Variants in TLCD4 observed in about 807,000 individuals in gnomAD.
TLCD4 encodes the protein TLC domain-containing protein 4.
In TLCD4, 7 loss-of-function variants were observed where a neutral mutation model predicts 24.2. The ratio of observed to expected loss-of-function variants is 0.29; its 90% CI spans 0.16 to 0.54. The LOEUF (loss-of-function observed/expected upper bound fraction) is 0.54. Ranked by LOEUF, TLCD4 falls within the 20% of genes least tolerant of loss-of-function variation. The pLI, the probability that TLCD4 is intolerant of heterozygous loss-of-function variation, is 0.95. For synonymous variants in TLCD4, 103 were observed against 106.4 expected (o/e 0.97, Z 0.20); for missense variants, 259 against 313.9 (o/e 0.82, Z 1.32).
chr1:95,133,780 A>G (rs373127996), intron 1 of TLCD4, among the ~76,000 whole-genome samples: 2 of 152,004 alleles, frequency 1.3e-5, no homozygotes, highest in African/African-American at 2.4e-5. Flanking sequence ...ATTCTCACAC[A>G]CTGGCTTCAA....
chr1:95,151,400 A>G lies in TLCD4; in HGVS notation c.380A>G (p.Tyr127Cys), dbSNP rs544972583. 85 of 1,613,232 alleles carry G rather than the reference A, an allele frequency of 5.3e-5. 1 individual carries two copies. In the South Asian group the frequency reaches 8.9e-4, roughly 17 times the overall value. ...FFIMHHCASL[Y>C]AYYLVLKNGV... is the part of the protein sequence containing the mutation. ...ATAATGCATCATTGTGCGTCCCTGT[A>G]TGCATACTACCTTGTACTGGTGAGT... The change falls in exon 5 of 7, where the codon TAT becomes TGT. Residue 127 changes from tyrosine to cysteine, a missense_variant. By Grantham distance (194) the Tyr-to-Cys change is radical. Coordinates refer to ENST00000370203, the MANE Select transcript of TLCD4 (RefSeq NM_152487.3).
At chr1:95,178,315 G>A (rs1363453707) in intron 6 of TLCD4, among the ~76,000 whole-genome samples, 2 of 148,672 alleles carry the variant, frequency 1.3e-5, no homozygotes, top group African/African-American at 2.5e-5. Flanking sequence ...GCTGAAGTAC[G>A]GTAGTGTGAT....
At chr1:95,188,772 C>T (rs1219983929) in intron 6 of TLCD4, among the ~76,000 whole-genome samples, 3 of 152,128 alleles carry the variant, frequency 2.0e-5, no homozygotes, top group East Asian at 1.9e-4. Context: ...GATACTCTAA[C>T]AGGTTCATAT....
intron 6 of TLCD4, among the ~76,000 whole-genome samples, chr1:95,185,480 AT>A (rs980683590): frequency 7.2e-5 from 11 of 152,046 alleles, no homozygotes; most frequent in African/African-American, 2.4e-4. Flanking sequence ...TGACACATCT[AT>A]TTTTTTCAAT....
the TLCD4 span, among the ~76,000 whole-genome samples, chr1:95,095,677 G>A: frequency 2.6e-5 from 4 of 152,276 alleles, no homozygotes; most frequent in Admixed American, 2.0e-4. Flanking sequence ...GATTACAGGC[G>A]TGAGCCACCG....
At chr1:95,191,143 T>G (rs1028152258) in intron 6 of TLCD4, among the ~76,000 whole-genome samples, 33 of 152,344 alleles carry the variant, frequency 2.2e-4, no homozygotes, top group African/African-American at 7.9e-4. Flanking sequence ...AGTTAATTTT[T>G]GTGTAAGGTG....
chr1:95,183,804 C>T (rs1286341024), intron 6 of TLCD4, among the ~76,000 whole-genome samples: 3 of 152,030 alleles, frequency 2.0e-5, no homozygotes, highest in Non-Finnish European at 2.9e-5. Context: ...CACCACTGCA[C>T]TCCAGCCTGG....
chr1:95,173,592 A>G (rs1190160151), intron 5 of TLCD4, among the ~76,000 whole-genome samples: 1 of 152,268 alleles, frequency 6.6e-6, no homozygotes, highest in Non-Finnish European at 1.5e-5. Context: ...ATAAGTGAAC[A>G]TAAGTGTATA....
intron 6 of TLCD4, among the ~76,000 whole-genome samples, chr1:95,188,159 G>C (rs556590621): frequency 6.6e-6 from 1 of 152,006 alleles, no homozygotes; most frequent in South Asian, 2.1e-4. Context: ...AGGCCGAGGC[G>C]GGTGGATCAC....
upstream of TLCD4, among the ~76,000 whole-genome samples, chr1:95,116,967 A>G (rs573175025): frequency 2.0e-5 from 3 of 152,318 alleles, no homozygotes; most frequent in East Asian, 5.8e-4. Context: ...TTGCCTTTTC[A>G]TCTCTTTTCT....
intron 5 of TLCD4, among the ~76,000 whole-genome samples, chr1:95,171,683 ATATGT>A (rs1219042803): frequency 6.6e-6 from 1 of 152,300 alleles, no homozygotes; most frequent in Middle Eastern, 3.4e-3. Context: ...GTATATAATG[ATATGT>A]TATAGACAGA....
chr1:95,177,100 T>G (rs1678458310), intron 6 of TLCD4, among the ~76,000 whole-genome samples: 1 of 152,212 alleles, frequency 6.6e-6, no homozygotes, highest in Non-Finnish European at 1.5e-5. Flanking sequence ...GCATCCTGTT[T>G]ACACTTCTCT....
chr1:95,191,964 A>G lies in TLCD4; in HGVS notation c.*96A>G. On this transcript the variant is annotated 3_prime_UTR_variant, in exon 7 of 7. Coordinates refer to ENST00000370203, the MANE Select transcript of TLCD4 (RefSeq NM_152487.3). Reference sequence around the variant, plus strand: ...TTCTTGTGTACCTTTCTTAATTATAATTGTTATTCAGGATTTCAGTGTCAT... The same window carrying G: ...TTCTTGTGTACCTTTCTTAATTATAGTTGTTATTCAGGATTTCAGTGTCAT... The G allele has an allele frequency of 1.4e-6, 2 of 1,475,370 alleles. No individual in the cohort carries two copies. The highest frequency in any genetic ancestry group is 1.8e-6 in the Non-Finnish European group (2 of 1,120,588). 91.4% of individuals were successfully genotyped at this position (1,475,370 alleles called of 1,614,324 possible). A position where few individuals can be genotyped will look rare whatever the true frequency, so the allele number is the denominator to read the frequency against.
chr1:95,151,540 A>G (rs891847062), intron 5 of TLCD4, 121 bp downstream of exon 5: 8 of 1,156,786 alleles, frequency 6.9e-6, no homozygotes, highest in Non-Finnish European at 9.6e-6. Context: ...AGATGCATTC[A>G]GGGATTGCTT....
chr1:95,131,396 A>G (rs1014212126), intron 1 of TLCD4, among the ~76,000 whole-genome samples: 8 of 152,216 alleles, frequency 5.3e-5, no homozygotes, highest in African/African-American at 1.9e-4. Flanking sequence ...GAAGAGAAAG[A>G]AGGCCATGTT....
At chr1:95,142,896 G>A (rs1408201641) in intron 1 of TLCD4, among the ~76,000 whole-genome samples, 2 of 151,046 alleles carry the variant, frequency 1.3e-5, no homozygotes, top group Admixed American at 6.6e-5. Flanking sequence ...GTTGCAGTGA[G>A]CTGAGATCTA....
At chr1:95,188,553 T>TATTC (rs199713233) in intron 6 of TLCD4, among the ~76,000 whole-genome samples, 4,143 of 152,200 alleles carry the variant, frequency 0.027, 75 homozygotes, top group Non-Finnish European at 0.04. Flanking sequence ...TCTTCTCCCC[T>TATTC]ATTCATTCAT....
chr1:95,112,375 G>T (rs1676356800), upstream of TLCD4, among the ~76,000 whole-genome samples: 1 of 152,072 alleles, frequency 6.6e-6, no homozygotes, highest in Non-Finnish European at 1.5e-5. Context: ...TAGAGAAAAT[G>T]GAAGGGAGGA....
At chr1:95,126,335 GGAGAGTTGCTTGAACTCAGGAGGCA>G (rs1234015005) in intron 1 of TLCD4, among the ~76,000 whole-genome samples, 1 of 151,206 alleles carries the variant, frequency 6.6e-6, no homozygotes, top group African/African-American at 2.4e-5. Flanking sequence ...GGCTGAGGCA[GGAGAGTTGCTTGAACTCAGGAGGCA>G]GAGGTTGCAG....
Sources: allele counts gnomAD v4.1 joint callset (sites outside exome capture counted in the v4.1 genomes callset), GRCh38; gene constraint gnomAD v4.1.1; transcripts MANE v1.5; gene names NCBI Gene and HGNC (gene_info 2026-07-23, HGNC 2026-07-21).